The following IGF2BP2 variants were observed in gnomAD, a reference collection of about 807,000 sequenced individuals.
The protein encoded by IGF2BP2 is insulin like growth factor 2 mRNA binding protein 2, also known as insulin-like growth factor 2 mRNA-binding protein 2.
A neutral mutation model predicts 75.8 loss-of-function variants in IGF2BP2; 17 were observed. The observed-to-expected ratio is 0.22, with a 90% CI of 0.15 to 0.34. IGF2BP2 has a LOEUF of 0.34. Among genes scored for constraint, IGF2BP2 ranks in the 10% least tolerant of loss-of-function variants. IGF2BP2 has a pLI of 1.00. For missense variants in IGF2BP2, 516 were observed against 772.4 expected (o/e 0.67, Z 3.93); for synonymous variants, 288 against 295.6 (o/e 0.97, Z 0.26).
intron 2 of IGF2BP2, among the ~76,000 whole-genome samples, chr3:185,718,416 G>A (rs916214642): frequency 1.1e-4 from 17 of 152,268 alleles, no homozygotes; most frequent in South Asian, 6.2e-4. Context: ...GCTCGGGGGC[G>A]GTGGCTCGCG....
chr3:185,686,597 T>C (rs1303892284), intron 7 of IGF2BP2, among the ~76,000 whole-genome samples: 1 of 152,170 alleles, frequency 6.6e-6, no homozygotes, highest in East Asian at 1.9e-4. Context: ...TTTCTACACT[T>C]GCACTGTCCA....
intron 7 of IGF2BP2, among the ~76,000 whole-genome samples, chr3:185,684,493 C>G (rs1249736844): frequency 6.6e-6 from 1 of 152,142 alleles, no homozygotes; most frequent in Non-Finnish European, 1.5e-5. Flanking sequence ...CAACCTCCAC[C>G]TCCCAGGTTC....
At chr3:185,694,185 C>T (rs900340301) in intron 4 of IGF2BP2, among the ~76,000 whole-genome samples, 4 of 152,172 alleles carry the variant, frequency 2.6e-5, no homozygotes, top group Non-Finnish European at 5.9e-5. Context: ...CACACTTAAC[C>T]CACAGAAGTC....
chr3:185,707,284 TAACGAAGGGGC>T (rs1194862762), intron 2 of IGF2BP2, among the ~76,000 whole-genome samples: 1 of 136,400 alleles, frequency 7.3e-6, no homozygotes. Context: ...ATTCAGTGTG[TAACGAAGGGGC>T]TTTTTTTTTT....
intron 9 of IGF2BP2, among the ~76,000 whole-genome samples, chr3:185,674,560 G>A (rs1056476946): frequency 3.3e-5 from 5 of 152,154 alleles, no homozygotes; most frequent in African/African-American, 1.2e-4. Context: ...CAAATATACA[G>A]TAAAGGCTCA....
chr3:185,691,703 T>C (rs1721973220), intron 5 of IGF2BP2, among the ~76,000 whole-genome samples: 3 of 152,050 alleles, frequency 2.0e-5, no homozygotes, highest in Admixed American at 6.6e-5. Context: ...CCCTCCCAAG[T>C]AGCTGGGATT....
At chr3:185,704,210 G>A (rs1041481782) in intron 2 of IGF2BP2, among the ~76,000 whole-genome samples, 3 of 152,130 alleles carry the variant, frequency 2.0e-5, no homozygotes, top group Admixed American at 6.5e-5. Flanking sequence ...AACCGGCCCC[G>A]AGCTGGGACA....
intron 2 of IGF2BP2, chr3:185,722,462 A>G (rs1726715458): frequency 3.1e-6 from 1 of 317,784 alleles, no homozygotes; most frequent in African/African-American, 2.3e-5. Context: ...TATGAGGAGC[A>G]GTATTGATGG....
intron 2 of IGF2BP2, chr3:185,820,929 T>C: frequency 7.2e-7 from 1 of 1,393,610 alleles, no homozygotes; most frequent in Middle Eastern, 1.8e-4. Flanking sequence ...TTCTAACTTG[T>C]TAATATTCAC....
intron 2 of IGF2BP2, among the ~76,000 whole-genome samples, chr3:185,805,000 A>G (rs930861593): frequency 1.2e-4 from 19 of 152,068 alleles, no homozygotes; most frequent in South Asian, 4.2e-4. Flanking sequence ...CTCAAAAAAA[A>G]AAAAAAAAAT....
At chr3:185,820,229 TACACATACACACAC>T (rs1406101840) in intron 2 of IGF2BP2, among the ~76,000 whole-genome samples, 2,581 of 133,898 alleles carry the variant, frequency 0.019, 89 homozygotes, top group African/African-American at 0.068. Context: ...TGTGTATATA[TACACATACACACAC>T]ACACACACAC....
chr3:185,793,957 CTTTT>C (rs576340143), intron 2 of IGF2BP2, among the ~76,000 whole-genome samples: 9 of 125,484 alleles, frequency 7.2e-5, no homozygotes, highest in Non-Finnish European at 8.1e-5. Flanking sequence ...AAGCAGATTC[CTTTT>C]TTTTTTTTTT....
chr3:185,667,587 T>C (rs1175320966), intron 10 of IGF2BP2, among the ~76,000 whole-genome samples: 1 of 152,188 alleles, frequency 6.6e-6, no homozygotes, highest in Admixed American at 6.5e-5. Flanking sequence ...CAAAGGAAAA[T>C]ATCAATTATT....
intron 12 of IGF2BP2, among the ~76,000 whole-genome samples, 199 bp from the exon 13 acceptor site, chr3:185,652,367 G>A (rs1244304836): frequency 6.6e-6 from 1 of 152,078 alleles, no homozygotes; most frequent in Non-Finnish European, 1.5e-5. Context: ...TCAAATTTGG[G>A]TTTTTGGCCA....
chr3:185,675,009 C>CTTTTTTTTTTTGTTTT, intron 9 of IGF2BP2: 1 of 110,012 alleles, frequency 9.1e-6, no homozygotes, highest in Non-Finnish European at 1.8e-5. Flanking sequence ...TCTTGCTTTT[C>CTTTTTTTTTTTGTTTT]TTTTTTTTTT....
chr3:185,711,140 A>T (rs1198985534), intron 2 of IGF2BP2, among the ~76,000 whole-genome samples: 1 of 152,250 alleles, frequency 6.6e-6, no homozygotes, highest in Admixed American at 6.5e-5. Context: ...ATCCCTTTGA[A>T]TCAGTTCTGT....
At chr3:185,748,022 C>CT in intron 2 of IGF2BP2, among the ~76,000 whole-genome samples, 1 of 152,032 alleles carries the variant, frequency 6.6e-6, no homozygotes, top group South Asian at 2.1e-4. Context: ...TGCCCAGCTA[C>CT]TTTTTTGTAT....
chr3:185,676,192 TGAA>T (rs1414859495), intron 7 of IGF2BP2, among the ~76,000 whole-genome samples: 1 of 151,860 alleles, frequency 6.6e-6, no homozygotes, highest in African/African-American at 2.4e-5. Flanking sequence ...CTCTATTGGG[TGAA>T]GAATGTTCTC....
chr3:185,718,079 T>G (rs1313004633), intron 2 of IGF2BP2: 8 of 152,250 alleles, frequency 5.3e-5, no homozygotes. Flanking sequence ...AATAGGCATC[T>G]GACTAGGGCA....
Sources: gnomAD v4.1 joint callset for allele counts (sites outside exome capture counted in the v4.1 genomes callset) on GRCh38, gnomAD v4.1.1 for gene constraint, MANE v1.5 for transcripts, NCBI Gene and HGNC (gene_info 2026-07-23, HGNC 2026-07-21) for gene names.